The following ARID1B variants were observed in gnomAD, a reference collection of about 807,000 sequenced individuals.
The protein encoded by ARID1B is AT-rich interactive domain-containing protein 1B.
Under a neutral mutation model 212.3 loss-of-function variants are expected in ARID1B, and 30 were observed. The observed-to-expected ratio is 0.14, with a 90% CI of 0.11 to 0.19. The LOEUF (loss-of-function observed/expected upper bound fraction) is 0.19, where lower values mean the gene tolerates loss of function less well. Ranked by LOEUF, ARID1B falls within the 10% of genes least tolerant of loss-of-function variation. ARID1B has a pLI of 1.00. For missense variants in ARID1B, 2,891 were observed against 3,204.0 expected (o/e 0.90, Z 2.36); for synonymous variants, 1,402 against 1,301.7 (o/e 1.08, Z -1.66).
At chr6:156,918,618 T>C (rs1790543406) in intron 3 of ARID1B, among the ~76,000 whole-genome samples, 1 of 152,220 alleles carries the variant, frequency 6.6e-6, no homozygotes, top group Non-Finnish European at 1.5e-5. Flanking sequence ...CTTTGAACCA[T>C]TGCTGAGGGA....
chr6:157,057,400 T>C (rs1474095435), intron 4 of ARID1B, among the ~76,000 whole-genome samples: 1 of 151,604 alleles, frequency 6.6e-6, no homozygotes, highest in Non-Finnish European at 1.5e-5. Context: ...AAATCAATCT[T>C]TTCAATTATG....
At chr6:157,005,403 C>G (rs1023573449) in intron 4 of ARID1B, among the ~76,000 whole-genome samples, 2 of 152,150 alleles carry the variant, frequency 1.3e-5, no homozygotes, top group African/African-American at 4.8e-5. Context: ...ATCTGCCTGC[C>G]TCAGCCTCCC....
intron 5 of ARID1B, among the ~76,000 whole-genome samples, chr6:157,095,788 T>TA (rs916863671): frequency 1.9e-4 from 29 of 152,298 alleles, no homozygotes; most frequent in African/African-American, 6.5e-4. Context: ...CCACAATTGT[T>TA]ACCTGAAGTT....
At chr6:157,106,654 C>T (rs1182442199) in intron 5 of ARID1B, among the ~76,000 whole-genome samples, 1 of 152,172 alleles carries the variant, frequency 6.6e-6, no homozygotes, top group East Asian at 1.9e-4. Context: ...TGCCATCTGA[C>T]ATAGTTGCAG....
chr6:157,181,196 AG>A lies in ARID1B; in HGVS notation c.3714+23del, dbSNP rs1304206136. 5 of 1,611,982 alleles carry A rather than the reference AG, an allele frequency of 3.1e-6. No homozygotes were observed. Among genetic ancestry groups the A allele is most frequent in the Non-Finnish European group, 4.2e-6 (5 of 1,178,362 alleles). ...TGGCCCAGGTAAGAATGAGTGAGGG[AG>A]GGGGTGAAAAAGGAAGCATTGTGGA... On this transcript the variant is annotated intron_variant, in intron 12 of 19. Transcript: ENST00000636930.
chr6:156,905,071 A>AT (rs1225029917), intron 3 of ARID1B, among the ~76,000 whole-genome samples: 1 of 152,044 alleles, frequency 6.6e-6, no homozygotes, highest in Admixed American at 6.5e-5. Context: ...CCTGAACTAT[A>AT]AATTTATATA....
At chr6:156,961,615 C>T (rs1794382345) in intron 4 of ARID1B, among the ~76,000 whole-genome samples, 1 of 152,122 alleles carries the variant, frequency 6.6e-6, no homozygotes. Context: ...TGGTCCTTAG[C>T]AGTACTGGGA....
At position 157,186,531 on chromosome 6, in the gene ARID1B, C is replaced by A. The variant is rs1229032168; in HGVS notation, c.3919+2096C>A. ...TCTCGATTCACTGCCACCCACACAG[C>A]AGGTGGCCTCTCCGATTCCAGTCCC... On this transcript the variant is annotated intron_variant, in intron 13 of 19. Coordinates refer to ENST00000636930, the MANE Select transcript of ARID1B (RefSeq NM_001374828.1). 3 of 471,024 alleles carry A rather than the reference C, an allele frequency of 6.4e-6. No individual in the cohort carries two copies. The East Asian group carries it at 2.1e-4, about 33-fold the overall frequency. 29.2% of individuals were successfully genotyped at this position (471,024 alleles called of 1,614,324 possible).
chr6:157,121,832 A>G (rs902357502), intron 6 of ARID1B, among the ~76,000 whole-genome samples: 1 of 152,074 alleles, frequency 6.6e-6, no homozygotes, highest in Non-Finnish European at 1.5e-5. Flanking sequence ...GTGTTTCACC[A>G]TGTTGGCCAG....
Position 157,089,572 on chromosome 6 carries a change from A to G in ARID1B, c.2491+4667A>G, listed in dbSNP as rs148444475. Among the ~76,000 whole-genome samples the G allele has an allele frequency of 3.8e-3, 576 of 152,228 alleles. 3 individuals are homozygous for G. The highest frequency in any genetic ancestry group is 0.013 in the African/African-American group (539 of 41,554). On this transcript the variant is annotated intron_variant, in intron 5 of 19. Transcript: ENST00000636930. ...CTGGGCTCCAGCTTTGCAGCTCTCT[A>G]TAGTTAGAAGGTAAAGAATTCAGGC...
At chr6:156,808,648 C>T (rs1034097014) in intron 1 of ARID1B, among the ~76,000 whole-genome samples, 5 of 152,098 alleles carry the variant, frequency 3.3e-5, no homozygotes, top group Admixed American at 3.3e-4. Context: ...TACTAACTCT[C>T]TATAAAGAAG....
At chr6:156,981,345 C>G (rs1777592155) in intron 4 of ARID1B, among the ~76,000 whole-genome samples, 1 of 152,128 alleles carries the variant, frequency 6.6e-6, no homozygotes, top group African/African-American at 2.4e-5. Context: ...TAGAATTAAG[C>G]ATTCAGAAAC....
intron 4 of ARID1B, among the ~76,000 whole-genome samples, chr6:156,986,941 G>A (rs936426042): frequency 1.3e-5 from 2 of 152,196 alleles, no homozygotes; most frequent in Admixed American, 1.3e-4. Context: ...CACTTTGGGA[G>A]GCTGAGGTTG....
intron 4 of ARID1B, among the ~76,000 whole-genome samples, chr6:157,029,088 C>G (rs1780860411): frequency 6.6e-6 from 1 of 152,208 alleles, no homozygotes; most frequent in African/African-American, 2.4e-5. Flanking sequence ...TTATTGCCAT[C>G]AGTTTATAAG....
intron 1 of ARID1B, among the ~76,000 whole-genome samples, chr6:156,828,245 A>G (rs551576637): frequency 3.4e-4 from 51 of 152,100 alleles, no homozygotes; most frequent in Middle Eastern, 3.4e-3. Context: ...AATTTGTTGT[A>G]GAGACAGGGT....
intron 3 of ARID1B, among the ~76,000 whole-genome samples, chr6:156,905,279 C>CACACACACACACACACACAT (rs1276181331): frequency 2.0e-5 from 3 of 151,864 alleles, no homozygotes; most frequent in Non-Finnish European, 4.4e-5. Context: ...CACACACACA[C>CACACACACACACACACACAT]ACAGATTTAT....
chr6:157,007,395 A>G (rs1172276557), intron 4 of ARID1B, among the ~76,000 whole-genome samples: 3 of 152,232 alleles, frequency 2.0e-5, no homozygotes, highest in African/African-American at 7.2e-5. Context: ...TTTAATAAGT[A>G]TTGAAAATTG....
chr6:157,100,922 T>C (rs916297667), intron 5 of ARID1B, among the ~76,000 whole-genome samples: 1 of 152,250 alleles, frequency 6.6e-6, no homozygotes, highest in Non-Finnish European at 1.5e-5. Context: ...TAAGAAGTTA[T>C]AGTGTAATTA....
chr6:157,200,472 G>C lies in ARID1B; in HGVS notation c.4480-233G>C, dbSNP rs553343985. On this transcript the variant is annotated intron_variant, in intron 17 of 19. Coordinates refer to ENST00000636930, the MANE Select transcript of ARID1B (RefSeq NM_001374828.1). This position sits in a 1 kb window ranked among gnomAD's most constrained non-coding sequence, Gnocchi z 4.3. ...AGAGGAGGCTTTTTTTTTTCCACAG[G>C]AAGTTTCAAACACGTGAAAACAAAC... Among the ~76,000 whole-genome samples, 1 of 151,724 alleles carries C rather than the reference G, an allele frequency of 6.6e-6. No individual in the cohort carries two copies. Among genetic ancestry groups the C allele is most frequent in the Non-Finnish European group, 1.5e-5 (1 of 67,882 alleles).
Sources: gnomAD v4.1 joint callset for allele counts (sites outside exome capture counted in the v4.1 genomes callset) on GRCh38, gnomAD v4.1.1 for gene constraint, Gnocchi (gnomAD v3.1) non-coding constraint, MANE v1.5 for transcripts, NCBI Gene and HGNC (gene_info 2026-07-23, HGNC 2026-07-21) for gene names.